Variants in DISP3 observed in about 807,000 individuals in gnomAD.
DISP3 encodes dispatched RND transporter family member 3, also known as protein dispatched homolog 3.
A neutral mutation model predicts 135.3 loss-of-function variants in DISP3; 101 were observed. The observed-to-expected ratio is 0.75, with a 90% confidence interval of 0.64 to 0.88. The LOEUF (loss-of-function observed/expected upper bound fraction) is 0.88, where lower values mean the gene tolerates loss of function less well. DISP3 is among the 40% of genes least tolerant of loss of function. DISP3 has a pLI of 0.00. For missense variants in DISP3, 1,713 were observed against 1,878.6 expected (o/e 0.91, Z 1.63); for synonymous variants, 856 against 817.0 (o/e 1.05, Z -0.81).
intron 10 of DISP3, among the ~76,000 whole-genome samples, chr1:11,522,623 GCCAGAGC>G (rs1434244746): frequency 1.9e-5 from 1 of 51,674 alleles, no homozygotes; most frequent in Non-Finnish European, 4.2e-5. Context: ...CCAGGACCCA[GCCAGAGC>G]CCAGCCAGAG....
Position 11,519,649 on chromosome 1 carries a change from C to A in DISP3, c.2039-70C>A. The A allele has an allele frequency of 6.3e-7, 1 of 1,579,136 alleles. No individual in the cohort carries two copies. Among genetic ancestry groups the A allele is most frequent in the South Asian group, 1.1e-5 (1 of 87,750 alleles). ...CTTCCTCACCAGGCATCTGGGCTTC[C>A]CTGGAAGCGAGCGTGGACCACAGTG... On this transcript the variant is annotated intron_variant, in intron 8 of 20. Transcript: ENST00000294484. This position sits in a 1 kb window ranked among gnomAD's most constrained non-coding sequence, Gnocchi z 4.3.
chr1:11,519,352 C>T lies in DISP3; in HGVS notation c.1890-3C>T, dbSNP rs201006861. 3 of 1,613,582 alleles carry T rather than the reference C, an allele frequency of 1.9e-6. No individual in the cohort carries two copies. Among genetic ancestry groups the T allele is most frequent in the Non-Finnish European group, 2.5e-6 (3 of 1,179,888 alleles). Reference sequence around the variant, plus strand: ...TCACCCCTGTCCCCTACTCTCTCCACAGCTGCCACCAGAATTGCAGCCGGA... The same window carrying T: ...TCACCCCTGTCCCCTACTCTCTCCATAGCTGCCACCAGAATTGCAGCCGGA... On this transcript the variant is annotated splice_polypyrimidine_tract_variant and splice_region_variant and intron_variant, in intron 7 of 20. Transcript: ENST00000294484. This position sits in a 1 kb window ranked among gnomAD's most constrained non-coding sequence, Gnocchi z 4.3.
chr1:11,530,007 T>G, intron 15 of DISP3, 48 bp downstream of exon 15: 1 of 1,591,184 alleles, frequency 6.3e-7, no homozygotes, highest in Non-Finnish European at 8.5e-7. Context: ...GCTGCAACAG[T>G]CTTGCAAATA....
At chr1:11,509,741 A>G (rs2100435761) in intron 3 of DISP3, among the ~76,000 whole-genome samples, 1 of 152,192 alleles carries the variant, frequency 6.6e-6, no homozygotes, top group Non-Finnish European at 1.5e-5. Flanking sequence ...ATCATTTTCT[A>G]TCCCTTTGCT....
At chr1:11,510,501 T>A (rs1333679130) in intron 3 of DISP3, among the ~76,000 whole-genome samples, 1 of 152,238 alleles carries the variant, frequency 6.6e-6, no homozygotes, top group Non-Finnish European at 1.5e-5. Flanking sequence ...TATTTTAATG[T>A]ATATTATAAA....
intron 3 of DISP3, among the ~76,000 whole-genome samples, chr1:11,510,300 T>G (rs953401212): frequency 2.0e-5 from 3 of 152,206 alleles, no homozygotes; most frequent in Non-Finnish European, 4.4e-5. Context: ...TGATTCTATT[T>G]TATCTCCTTT....
intron 3 of DISP3, among the ~76,000 whole-genome samples, chr1:11,507,189 G>A (rs140181576): frequency 2.0e-5 from 3 of 152,248 alleles, no homozygotes; most frequent in African/African-American, 7.2e-5. Context: ...ACATAGAGTC[G>A]TGGCTGATTA....
chr1:11,516,209 C>T lies in DISP3; in HGVS notation c.1749+48C>T, dbSNP rs1642008352. ...TGTCCTGGCCTCCCACACGCTCATG[C>T]ATACCTAGCCGCTGGTCTCTGCCCT... On this transcript the variant is annotated intron_variant, in intron 6 of 20. Transcript: ENST00000294484. The surrounding 1 kb of genome is among the most constrained non-coding windows in gnomAD (Gnocchi z 5.1). 6.3e-7 allele frequency: 1 copy of T among 1,585,248 alleles called. No individual in the cohort carries two copies. Among genetic ancestry groups the T allele is most frequent in the Non-Finnish European group, 8.6e-7 (1 of 1,161,898 alleles).
Position 11,520,046 on chromosome 1 carries a change from TGGC to T in DISP3, c.2200+170_2200+172del, listed in dbSNP as rs1642138557. 6.6e-6 allele frequency among the ~76,000 whole-genome samples: 1 copy of T among 152,166 alleles called. No individual in the cohort carries two copies. Among genetic ancestry groups the T allele is most frequent in the Admixed American group, 6.5e-5 (1 of 15,284 alleles). On this transcript the variant is annotated intron_variant, in intron 9 of 20. Transcript: ENST00000294484. The surrounding 1 kb of genome is among the most constrained non-coding windows in gnomAD (Gnocchi z 4.8). ...TTCCTGTGCAGAATGAAGCCGGTCATGGCGGCTGTTACTCATTGGCCCCTGCTG... is the reference window on the plus strand; with the variant it reads ...TTCCTGTGCAGAATGAAGCCGGTCATGGCTGTTACTCATTGGCCCCTGCTG...
chr1:11,489,030 T>C (rs1279416845), intron 1 of DISP3, among the ~76,000 whole-genome samples: 1 of 152,146 alleles, frequency 6.6e-6, no homozygotes, highest in Non-Finnish European at 1.5e-5. Context: ...GCCTCCACCA[T>C]CTCCTCACTG....
intron 1 of DISP3, among the ~76,000 whole-genome samples, chr1:11,496,596 T>C (rs1641341038): frequency 6.6e-6 from 1 of 151,928 alleles, no homozygotes; most frequent in Admixed American, 6.6e-5. Context: ...GCTAAGCTAA[T>C]CAATTCCCAT....
intron 18 of DISP3, 94 bp downstream of exon 18, chr1:11,534,634 A>C: frequency 1.9e-5 from 28 of 1,459,454 alleles, no homozygotes; most frequent in Non-Finnish European, 2.5e-5. Context: ...CACAATCTCC[A>C]TCCTGGCCAA....
intron 4 of DISP3, 135 bp from the exon 5 acceptor site, chr1:11,515,234 G>A: frequency 7.8e-7 from 1 of 1,288,830 alleles, no homozygotes; most frequent in Non-Finnish European, 1.1e-6. Context: ...CTGTGCCTGT[G>A]CTGGGAACAG....
rs748385358 is a variant in DISP3, at chr1:11,529,507, ACTC to A, written c.2799-43_2799-41del. ...TGGCCTGCTGGCCTCACCTCCCCTGACTCCTCCTAGCCTTTCCGGCCTCAGCCC... is the reference window on the plus strand; with the variant it reads ...TGGCCTGCTGGCCTCACCTCCCCTGACTCCTAGCCTTTCCGGCCTCAGCCC... On this transcript the variant is annotated intron_variant, in intron 13 of 20. Transcript: ENST00000294484. The surrounding 1 kb of genome is among the most constrained non-coding windows in gnomAD (Gnocchi z 4.7). The A allele has an allele frequency of 7.8e-5, 119 of 1,520,246 alleles. No homozygotes were observed. The highest frequency in any genetic ancestry group is 1.3e-4 in the Admixed American group (6 of 46,834). The allele number at this position is 1,520,246 out of a possible 1,614,324, so 94.2% of individuals were successfully genotyped here.
At chr1:11,509,516 G>A (rs1641798535) in intron 3 of DISP3, among the ~76,000 whole-genome samples, 1 of 151,902 alleles carries the variant, frequency 6.6e-6, no homozygotes, top group South Asian at 2.1e-4. Context: ...CTACAATCGG[G>A]GCATTGTCTA....
At chr1:11,484,096 A>G (rs998862309) in intron 1 of DISP3, among the ~76,000 whole-genome samples, 1 of 152,236 alleles carries the variant, frequency 6.6e-6, no homozygotes, top group African/African-American at 2.4e-5. Flanking sequence ...GCTTGCTGTC[A>G]TCGCTCCAGT....
chr1:11,507,545 G>A (rs1051013854), intron 3 of DISP3, among the ~76,000 whole-genome samples: 3 of 152,186 alleles, frequency 2.0e-5, no homozygotes, highest in Non-Finnish European at 4.4e-5. Flanking sequence ...CCAAAGCTCT[G>A]CTAGCTTATC....
rs768466757 is a variant in DISP3, at chr1:11,519,797, G to T, written c.2117G>T (p.Arg706Leu). ...CAGCCAGCCTCCAACACGGGCAGCCGCGGCCATCTCATCGTGCAGCTGCAG... is the reference window on the plus strand; with the variant it reads ...CAGCCAGCCTCCAACACGGGCAGCCTCGGCCATCTCATCGTGCAGCTGCAG... Reference protein sequence around the residue: ...GLQPASNTGSRGHLIVQLQEL... With the variant: ...GLQPASNTGSLGHLIVQLQEL... Residue 706 changes from arginine to leucine, a missense_variant, in exon 9 of 21, where the codon CGC becomes CTC. Coordinates refer to ENST00000294484, the MANE Select transcript of DISP3 (RefSeq NM_020780.2). The surrounding 1 kb of genome is among the most constrained non-coding windows in gnomAD (Gnocchi z 4.3). The T allele has an allele frequency of 6.2e-7, 1 of 1,612,952 alleles. No homozygotes were observed. The highest frequency in any genetic ancestry group is 2.2e-5 in the East Asian group (1 of 44,882).
In DISP3 at chr1:11,536,366, C is replaced by T. The variant is rs752417668; in HGVS notation, c.3859C>T (p.Arg1287Trp). Reference protein sequence around the residue: ...QRQWRTLEAVRHVGVAIVSSA... With the variant: ...QRQWRTLEAVWHVGVAIVSSA... The stretch of plus-strand genomic sequence containing the variant: ...CCAGTGGCGTACGCTGGAGGCCGTG[C>T]GGCACGTGGGCGTGGCCATCGTCTC... Residue 1287 changes from arginine to tryptophan, a missense_variant, in exon 21 of 21, where the codon CGG becomes TGG. Around this residue, in one of 2 missense-constraint regions of DISP3, gnomAD observed 1,142 missense variants for 1,384.6 expected, o/e 0.82. Coordinates refer to ENST00000294484, the MANE Select transcript of DISP3 (RefSeq NM_020780.2). This position sits in a 1 kb window ranked among gnomAD's most constrained non-coding sequence, Gnocchi z 4.3. 1.2e-5 allele frequency: 19 copies of T among 1,607,310 alleles called. No individual in the cohort carries two copies. The highest frequency in any genetic ancestry group is 5.0e-5 in the Admixed American group (3 of 60,002).
Sources: gnomAD v4.1 joint callset for allele counts (sites outside exome capture counted in the v4.1 genomes callset) on GRCh38, gnomAD v4.1.1 for gene constraint, gnomAD v4.1.1 regional missense constraint, Gnocchi (gnomAD v3.1) non-coding constraint, MANE v1.5 for transcripts, NCBI Gene and HGNC (gene_info 2026-07-23, HGNC 2026-07-21) for gene names.